The following COP1 variants were observed in gnomAD, a reference collection of about 807,000 sequenced individuals.
The protein encoded by COP1 is COP1 E3 ubiquitin ligase.
A neutral mutation model predicts 101.3 loss-of-function variants in COP1; 24 were observed. The ratio of observed to expected loss-of-function variants is 0.24; its 90% CI spans 0.17 to 0.33. The LOEUF is 0.33. Among genes scored for constraint, COP1 ranks in the 10% least tolerant of loss-of-function variants. The pLI is 1.00. For synonymous variants in COP1, 347 were observed against 341.9 expected, an observed-to-expected ratio of 1.01 and a Z score of -0.17; for missense variants, 663 against 906.2, an observed-to-expected ratio of 0.73 and a Z score of 3.45.
At chr1:176,027,976 A>G (rs897204804) in intron 14 of COP1, among the ~76,000 whole-genome samples, 1 of 151,700 alleles carries the variant, frequency 6.6e-6, no homozygotes, top group Non-Finnish European at 1.5e-5. Flanking sequence ...GCAGAAGGTG[A>G]ATGAGGAGCA....
intron 18 of COP1, among the ~76,000 whole-genome samples, chr1:175,970,483 T>C (rs149718221): frequency 2.0e-5 from 3 of 152,154 alleles, no homozygotes; most frequent in Non-Finnish European, 2.9e-5. Flanking sequence ...AAATCTTGAA[T>C]GTAATAGTTT....
At position 176,080,158 on chromosome 1, in the gene COP1, T is replaced by A. The variant is rs561105333; in HGVS notation, c.1277+994A>T. Among the ~76,000 whole-genome samples, 9 of 152,282 alleles carry A rather than the reference T, an allele frequency of 5.9e-5. No homozygotes were observed. The South Asian group carries it at 1.9e-3, about 32-fold the overall frequency. On this transcript the variant is annotated intron_variant, in intron 11 of 19. Transcript: ENST00000367669. ...GCTGTATGCAATAAACACAATTTTA[T>A]CTGTCAATTTTAAAAAAACAAACTT...
intron 11 of COP1, among the ~76,000 whole-genome samples, chr1:176,055,099 C>T (rs149560991): frequency 1.8e-3 from 275 of 152,326 alleles, no homozygotes; most frequent in African/African-American, 6.3e-3. Flanking sequence ...AACTCCATCA[C>T]AGTCTACTTT....
chr1:175,952,687 T>A (rs969882253), intron 18 of COP1, among the ~76,000 whole-genome samples: 1 of 152,078 alleles, frequency 6.6e-6, no homozygotes, highest in African/African-American at 2.4e-5. Context: ...GGTAGAAGGA[T>A]CATCTGAGCT....
intron 11 of COP1, among the ~76,000 whole-genome samples, chr1:176,061,433 C>T (rs988008069): frequency 2.6e-5 from 4 of 152,166 alleles, no homozygotes; most frequent in African/African-American, 9.7e-5. Flanking sequence ...TCGAGATCAG[C>T]CTGACCAACA....
At chr1:175,998,503 A>T (rs1660841007) in intron 15 of COP1, among the ~76,000 whole-genome samples, 1 of 151,898 alleles carries the variant, frequency 6.6e-6, no homozygotes. Flanking sequence ...AAAAAAAAAT[A>T]GAACCATGGA....
At chr1:175,977,664 C>T (rs1266119229) in intron 18 of COP1, among the ~76,000 whole-genome samples, 2 of 151,488 alleles carry the variant, frequency 1.3e-5, no homozygotes, top group Non-Finnish European at 3.0e-5. Flanking sequence ...AAGTAAAATA[C>T]AAAAAAAAGT....
intron 11 of COP1, among the ~76,000 whole-genome samples, chr1:176,049,178 C>CAAAAA (rs61267982): frequency 2.5e-5 from 3 of 118,370 alleles, no homozygotes; most frequent in Admixed American, 8.6e-5. Flanking sequence ...GACTCCGTCT[C>CAAAAA]AAAAAAAAAA....
chr1:176,055,918 T>C (rs1326338984), intron 11 of COP1, among the ~76,000 whole-genome samples: 1 of 152,198 alleles, frequency 6.6e-6, no homozygotes. Flanking sequence ...TATATCATCT[T>C]ATTTATCATT....
At chr1:176,090,214 T>C (rs1681014303) in intron 9 of COP1, among the ~76,000 whole-genome samples, 1 of 152,094 alleles carries the variant, frequency 6.6e-6, no homozygotes, top group Non-Finnish European at 1.5e-5. Flanking sequence ...TCCCACCCCC[T>C]GTCCCTGCCT....
chr1:176,030,940 G>C (rs760638255), intron 14 of COP1, among the ~76,000 whole-genome samples: 4 of 152,084 alleles, frequency 2.6e-5, no homozygotes, highest in Non-Finnish European at 5.9e-5. Flanking sequence ...TAAGGAGAGA[G>C]AGATTTAGAG....
intron 14 of COP1, among the ~76,000 whole-genome samples, chr1:176,033,289 G>C (rs535745769): frequency 1.3e-5 from 2 of 151,952 alleles, no homozygotes; most frequent in Non-Finnish European, 2.9e-5. Flanking sequence ...GGGCGAGGGT[G>C]GGGGGAACAT....
chr1:176,048,469 G>A (rs1443806491), intron 11 of COP1, among the ~76,000 whole-genome samples: 1 of 152,104 alleles, frequency 6.6e-6, no homozygotes, highest in Non-Finnish European at 1.5e-5. Flanking sequence ...TTGAACTGCT[G>A]CCTCAGCTAC....
Position 176,098,192 on chromosome 1 carries a change from T to C in COP1, c.1027-12302A>G, listed in dbSNP as rs114361611. Among the ~76,000 whole-genome samples the C allele has an allele frequency of 9.3e-3, 1,413 of 152,294 alleles. 24 individuals are homozygous for C. Among genetic ancestry groups the C allele is most frequent in the African/African-American group, 0.032 (1,343 of 41,558 alleles). On this transcript the variant is annotated intron_variant, in intron 9 of 19. Transcript: ENST00000367669. ...ACCTGGCGACATAAGGAACTAACCA[T>C]GCCCTTAATTATGCTGGAAGAAGTC...
At chr1:176,002,039 C>T (rs1661739712) in intron 15 of COP1, among the ~76,000 whole-genome samples, 3 of 152,068 alleles carry the variant, frequency 2.0e-5, no homozygotes, top group African/African-American at 7.2e-5. Context: ...CTCTTCCCGC[C>T]TTTCAAGAGT....
chr1:176,075,093 T>C (rs1292904274), intron 11 of COP1, among the ~76,000 whole-genome samples: 1 of 152,204 alleles, frequency 6.6e-6, no homozygotes, highest in Admixed American at 6.5e-5. Context: ...ACGTCTGGCC[T>C]GTTCATGACT....
chr1:176,149,257 T>C (rs2149824153), intron 5 of COP1, among the ~76,000 whole-genome samples, 183 bp from the exon 6 acceptor site: 1 of 152,228 alleles, frequency 6.6e-6, no homozygotes, highest in South Asian at 2.1e-4. Context: ...ATCAATTTTC[T>C]ATAAAACTAA....
intron 5 of COP1, among the ~76,000 whole-genome samples, chr1:176,151,272 AG>A (rs1434318977): frequency 1.4e-5 from 2 of 147,326 alleles, no homozygotes; most frequent in African/African-American, 4.9e-5. Context: ...AGAAAGAAAA[AG>A]GAAGGAAGGA....
intron 18 of COP1, among the ~76,000 whole-genome samples, chr1:175,967,446 A>G (rs542673397): frequency 6.6e-6 from 1 of 152,278 alleles, no homozygotes; most frequent in South Asian, 2.1e-4. Context: ...AGATTATGCC[A>G]CTGCACTCCA....
Sources: allele counts gnomAD v4.1 joint callset (sites outside exome capture counted in the v4.1 genomes callset), GRCh38; gene constraint gnomAD v4.1.1; transcripts MANE v1.5; gene names NCBI Gene and HGNC (gene_info 2026-07-23, HGNC 2026-07-21).